The following WLS variants were observed in gnomAD, a reference collection of about 807,000 sequenced individuals.
WLS encodes protein wntless homolog.
In WLS, 23 loss-of-function variants were observed where a neutral mutation model predicts 62.8. That is an observed-to-expected ratio of 0.37 (90% CI 0.26 to 0.52). The LOEUF is 0.52. WLS is among the 20% of genes least tolerant of loss of function. The pLI, the probability that WLS is intolerant of heterozygous loss-of-function variation, is 0.92. For missense variants in WLS, 615 were observed against 697.3 expected, an observed-to-expected ratio of 0.88 and a Z score of 1.33; for synonymous variants, 246 against 244.1, an observed-to-expected ratio of 1.01 and a Z score of -0.07.
chr1:68,225,490 C>T (rs532499594), intron 1 of WLS, among the ~76,000 whole-genome samples: 1 of 152,176 alleles, frequency 6.6e-6, no homozygotes, highest in Non-Finnish European at 1.5e-5. Flanking sequence ...GTGATCATTT[C>T]GTGTCTTGAT....
At chr1:68,130,828 TAGAA>T (rs982879558) in intron 11 of WLS, among the ~76,000 whole-genome samples, 5 of 148,588 alleles carry the variant, frequency 3.4e-5, no homozygotes, top group Admixed American at 6.7e-5. Flanking sequence ...CTGGGCAACA[TAGAA>T]AGATCTTAAC....
Position 68,104,291 on chromosome 1 carries a change from C to T in WLS, c.1511-5538G>A, listed in dbSNP as rs1465110313. Among the ~76,000 whole-genome samples the T allele has an allele frequency of 2.0e-5, 3 of 152,114 alleles. No individual in the cohort carries two copies. The East Asian group carries it at 5.8e-4, about 29-fold the overall frequency. ...AAAATGGTTCTGAGAATCATCACTA[C>T]CATTATCGGTGGAGATGACTCAGTA... is the stretch of plus-strand genomic sequence containing the variant. On this transcript the variant is annotated intron_variant, in intron 11 of 11. Coordinates refer to the WLS transcript ENST00000354777.
chr1:68,136,230 A>G (rs1343192559), intron 11 of WLS, among the ~76,000 whole-genome samples: 1 of 152,002 alleles, frequency 6.6e-6, no homozygotes. Flanking sequence ...TTCTCCCCAC[A>G]AGATCACTGA....
intron 10 of WLS, among the ~76,000 whole-genome samples, chr1:68,143,451 C>T (rs944504681): frequency 7.9e-5 from 12 of 152,218 alleles, no homozygotes; most frequent in Non-Finnish European, 1.6e-4. Context: ...TTGGTTGCCA[C>T]AATGATGGTT....
At position 68,205,435 on chromosome 1, in the gene WLS, A is replaced by G. The variant is rs557074711; in HGVS notation, c.107-11208T>C. The stretch of plus-strand genomic sequence containing the variant: ...TGCTCCCAAAGGGTTTGTGGCCAAC[A>G]TTAATATTGCAGGAACATGTTTAGA... On this transcript the variant is annotated intron_variant, in intron 1 of 11. Transcript: ENST00000262348. 2.0e-5 allele frequency among the ~76,000 whole-genome samples: 3 copies of G among 152,370 alleles called. No homozygotes were observed. The South Asian group carries it at 6.2e-4, about 32-fold the overall frequency.
intron 2 of WLS, among the ~76,000 whole-genome samples, chr1:68,185,644 T>C (rs1225133380): frequency 1.3e-5 from 2 of 152,164 alleles, no homozygotes; most frequent in African/African-American, 2.4e-5. Flanking sequence ...AGCGGAACCA[T>C]TTCATACCCA....
intron 11 of WLS, among the ~76,000 whole-genome samples, chr1:68,101,382 G>T (rs1247140888): frequency 6.6e-6 from 1 of 152,120 alleles, no homozygotes; most frequent in African/African-American, 2.4e-5. Context: ...TTTGAAGAAA[G>T]GAGGCCGCCC....
intron 2 of WLS, among the ~76,000 whole-genome samples, chr1:68,167,959 G>A (rs952745319): frequency 6.6e-6 from 1 of 152,180 alleles, no homozygotes; most frequent in African/African-American, 2.4e-5. Flanking sequence ...ATGTTGGGAA[G>A]CATCAACTAA....
At chr1:68,103,228 A>G (rs970055990) in intron 11 of WLS, among the ~76,000 whole-genome samples, 3 of 152,226 alleles carry the variant, frequency 2.0e-5, no homozygotes, top group African/African-American at 7.2e-5. Context: ...TAGGGAAACC[A>G]GTGGGGATAT....
intron 2 of WLS, among the ~76,000 whole-genome samples, chr1:68,164,256 G>T (rs1338531248): frequency 7.0e-6 from 1 of 142,738 alleles, no homozygotes; most frequent in South Asian, 2.3e-4. Context: ...GCAGACAAGA[G>T]ATTTCATTTT....
chr1:68,142,470 A>G (rs1209079312), intron 10 of WLS: 1 of 152,266 alleles, frequency 6.6e-6, no homozygotes, highest in East Asian at 1.9e-4. Flanking sequence ...GGAACTGAAA[A>G]GCATTTTGGT....
At chr1:68,135,788 G>A (rs988799278) in intron 11 of WLS, among the ~76,000 whole-genome samples, 2 of 152,130 alleles carry the variant, frequency 1.3e-5, no homozygotes, top group African/African-American at 4.8e-5. Context: ...TTGTCCACAA[G>A]CCCAGCAGTG....
At chr1:68,191,943 T>G (rs918607106) in intron 2 of WLS, among the ~76,000 whole-genome samples, 2 of 152,136 alleles carry the variant, frequency 1.3e-5, no homozygotes, top group African/African-American at 4.8e-5. Context: ...AGGGAAGTCT[T>G]CCTTTTCTCT....
chr1:68,217,968 G>A (rs1415599777), intron 1 of WLS, among the ~76,000 whole-genome samples: 2 of 152,190 alleles, frequency 1.3e-5, no homozygotes, highest in African/African-American at 4.8e-5. Context: ...CAGCAATTAA[G>A]CAGATTTTGA....
At chr1:68,192,767 TTAAAAA>T (rs1648391764) in intron 2 of WLS, among the ~76,000 whole-genome samples, 2 of 107,828 alleles carry the variant, frequency 1.9e-5, no homozygotes, top group Admixed American at 1.1e-4. Context: ...ACTCTGTCTC[TTAAAAA>T]AAAAAAAAAA....
At chr1:68,175,256 T>C (rs1256973004) in intron 2 of WLS, among the ~76,000 whole-genome samples, 1 of 152,226 alleles carries the variant, frequency 6.6e-6, no homozygotes, top group Non-Finnish European at 1.5e-5. Context: ...TGTAGACATT[T>C]TCACCCATGC....
intron 1 of WLS, among the ~76,000 whole-genome samples, chr1:68,207,254 G>A (rs183792383): frequency 4.5e-4 from 69 of 152,206 alleles, no homozygotes; most frequent in African/African-American, 1.6e-3. Context: ...TCCAGCCAGT[G>A]GTCTGAATAC....
intron 11 of WLS, among the ~76,000 whole-genome samples, chr1:68,102,390 C>A (rs269346): frequency 2.6e-5 from 4 of 151,780 alleles, no homozygotes; most frequent in African/African-American, 9.7e-5. Flanking sequence ...TGGGGAGAAC[C>A]GTTGAATCGT....
At chr1:68,108,402 T>C (rs1265164174) in intron 11 of WLS, among the ~76,000 whole-genome samples, 2 of 152,206 alleles carry the variant, frequency 1.3e-5, no homozygotes, top group Non-Finnish European at 2.9e-5. Flanking sequence ...AGGATTGTCC[T>C]AAAATCCAAA....
Sources: allele counts gnomAD v4.1 joint callset (sites outside exome capture counted in the v4.1 genomes callset), GRCh38; gene constraint gnomAD v4.1.1; transcripts MANE v1.5; gene names NCBI Gene and HGNC (gene_info 2026-07-23, HGNC 2026-07-21).